The following GPM6A variants were observed in gnomAD, a reference collection of about 807,000 sequenced individuals.
The protein encoded by GPM6A is glycoprotein M6A, also known as neuronal membrane glycoprotein M6-a.
GPM6A carries 7 observed loss-of-function variants against 32.1 expected under a neutral mutation model. The ratio of observed to expected loss-of-function variants is 0.22; its 90% CI spans 0.12 to 0.41. The LOEUF is 0.41. Ranked by LOEUF, GPM6A falls within the 10% of genes least tolerant of loss-of-function variation. GPM6A has a pLI of 1.00. For missense variants in GPM6A, 235 were observed against 347.2 expected (o/e 0.68, Z 2.57); for synonymous variants, 130 against 123.4 (o/e 1.05, Z -0.35).
chr4:175,848,545 C>T (rs1002486226), intron 1 of GPM6A, among the ~76,000 whole-genome samples: 6 of 152,112 alleles, frequency 3.9e-5, no homozygotes, highest in Admixed American at 3.9e-4. Flanking sequence ...TACCCGAAAA[C>T]AGATTATAAT....
At chr4:175,668,094 A>G (rs1254788566) in intron 3 of GPM6A, among the ~76,000 whole-genome samples, 1 of 152,192 alleles carries the variant, frequency 6.6e-6, no homozygotes, top group Non-Finnish European at 1.5e-5. Flanking sequence ...TGAGACTAGC[A>G]GAAAATTTCT....
intron 1 of GPM6A, among the ~76,000 whole-genome samples, chr4:175,789,587 A>T (rs993710900): frequency 6.6e-6 from 1 of 152,234 alleles, no homozygotes; most frequent in African/African-American, 2.4e-5. Flanking sequence ...AATAACAAAA[A>T]AAACATGAAT....
chr4:175,839,604 C>CT (rs964949896), intron 1 of GPM6A, among the ~76,000 whole-genome samples: 10 of 151,318 alleles, frequency 6.6e-5, no homozygotes, highest in East Asian at 1.9e-4. Flanking sequence ...ATAAAAAACA[C>CT]TTTTTTTTTA....
chr4:175,762,223 G>T (rs776667695), intron 1 of GPM6A, among the ~76,000 whole-genome samples: 1 of 152,154 alleles, frequency 6.6e-6, no homozygotes, highest in Non-Finnish European at 1.5e-5. Flanking sequence ...ATGACAGTTT[G>T]CTAAGTTTTT....
chr4:175,667,813 T>C (rs2110966098), intron 3 of GPM6A, among the ~76,000 whole-genome samples: 1 of 152,276 alleles, frequency 6.6e-6, no homozygotes, highest in East Asian at 1.9e-4. Flanking sequence ...ATACAAATTT[T>C]TTTTAAGTTT....
chr4:175,951,613 G>A (rs539670087), intron 1 of GPM6A, among the ~76,000 whole-genome samples: 11 of 152,250 alleles, frequency 7.2e-5, no homozygotes, highest in South Asian at 2.1e-4. Flanking sequence ...ACTAGAATAC[G>A]CACAGTTAAT....
intron 1 of GPM6A, among the ~76,000 whole-genome samples, chr4:175,875,812 C>A (rs558731896): frequency 6.6e-6 from 1 of 152,032 alleles, no homozygotes; most frequent in Admixed American, 6.6e-5. Flanking sequence ...AGAACAGAAG[C>A]CTTGGAAACA....
intron 1 of GPM6A, among the ~76,000 whole-genome samples, chr4:175,952,553 A>T (rs1277454927): frequency 6.6e-6 from 1 of 152,190 alleles, no homozygotes; most frequent in African/African-American, 2.4e-5. Context: ...AAATTCTTCC[A>T]TTTAAGCAAC....
At chr4:175,725,676 G>A (rs1746368556) in intron 1 of GPM6A, among the ~76,000 whole-genome samples, 1 of 152,008 alleles carries the variant, frequency 6.6e-6, no homozygotes, top group Middle Eastern at 3.2e-3. Context: ...TAAATGATCA[G>A]CCTGTATTTC....
At chr4:175,885,534 G>C (rs1205215538) in intron 1 of GPM6A, among the ~76,000 whole-genome samples, 1 of 152,092 alleles carries the variant, frequency 6.6e-6, no homozygotes, top group Admixed American at 6.5e-5. Flanking sequence ...GGGAGGCTGA[G>C]GTGGGCAGAT....
intron 1 of GPM6A, among the ~76,000 whole-genome samples, chr4:175,885,989 A>T (rs1026187419): frequency 6.6e-6 from 1 of 151,292 alleles, no homozygotes; most frequent in African/African-American, 2.5e-5. Flanking sequence ...AAAAGATAAA[A>T]CGTAAAATAA....
chr4:175,992,572 A>C (rs1159909983), intron 1 of GPM6A, among the ~76,000 whole-genome samples: 1 of 152,228 alleles, frequency 6.6e-6, no homozygotes, highest in African/African-American at 2.4e-5. Context: ...TACAGGACCA[A>C]GGTAGCACAG....
At chr4:175,941,168 C>T (rs957507315) in intron 1 of GPM6A, among the ~76,000 whole-genome samples, 1 of 152,176 alleles carries the variant, frequency 6.6e-6, no homozygotes, top group Admixed American at 6.5e-5. Flanking sequence ...TGCTCAAATA[C>T]TGGTTTCTGG....
At chr4:175,975,998 A>G (rs1462738318) in intron 1 of GPM6A, among the ~76,000 whole-genome samples, 2 of 151,892 alleles carry the variant, frequency 1.3e-5, no homozygotes, top group Non-Finnish European at 1.5e-5. Flanking sequence ...AAAAAAAACT[A>G]TGCTATTTGT....
intron 3 of GPM6A, among the ~76,000 whole-genome samples, chr4:175,666,740 T>C (rs905529806): frequency 1.3e-5 from 2 of 152,198 alleles, no homozygotes; most frequent in African/African-American, 4.8e-5. Context: ...CCTTGTCGAG[T>C]GTCACCTGAA....
chr4:175,924,839 CAAAAA>C (rs1190915755), intron 1 of GPM6A, among the ~76,000 whole-genome samples: 2 of 62,002 alleles, frequency 3.2e-5, no homozygotes, highest in African/African-American at 9.1e-5. Flanking sequence ...AAATCTGTCT[CAAAAA>C]AAAAAAAAAA....
chr4:175,688,813 C>A (rs979248814), intron 2 of GPM6A, among the ~76,000 whole-genome samples: 2 of 152,044 alleles, frequency 1.3e-5, no homozygotes, highest in Non-Finnish European at 2.9e-5. Context: ...TATATACATA[C>A]ATATCAAACT....
intron 1 of GPM6A, among the ~76,000 whole-genome samples, chr4:175,939,321 G>C (rs1208541611): frequency 6.6e-6 from 1 of 152,100 alleles, no homozygotes; most frequent in African/African-American, 2.4e-5. Flanking sequence ...TTTGTCTACA[G>C]TTTCATTCCT....
At chr4:175,984,479 T>G (rs565699400) in intron 1 of GPM6A, among the ~76,000 whole-genome samples, 1 of 152,242 alleles carries the variant, frequency 6.6e-6, no homozygotes, top group East Asian at 1.9e-4. Flanking sequence ...TGTTCTTTTA[T>G]TTGCTCATTT....
Sources: gnomAD v4.1 joint callset for allele counts (sites outside exome capture counted in the v4.1 genomes callset) on GRCh38, gnomAD v4.1.1 for gene constraint, MANE v1.5 for transcripts, NCBI Gene and HGNC (gene_info 2026-07-23, HGNC 2026-07-21) for gene names.